Variants in ATRNL1 observed in about 807,000 individuals in gnomAD.
ATRNL1 encodes attractin like 1, also known as attractin-like protein 1.
Under a neutral mutation model 182.7 loss-of-function variants are expected in ATRNL1, and 95 were observed. The observed-to-expected ratio is 0.52, with a 90% CI of 0.44 to 0.62. The LOEUF is 0.62. Among genes scored for constraint, ATRNL1 ranks in the 20% least tolerant of loss-of-function variants. The probability of loss-of-function intolerance (pLI) is 0.00; values close to 1 mark genes in which losing one functional copy is unlikely to be tolerated. For missense variants in ATRNL1, 1,471 were observed against 1,679.5 expected, an observed-to-expected ratio of 0.88 and a Z score of 2.17; for synonymous variants, 576 against 568.3, an observed-to-expected ratio of 1.01 and a Z score of -0.19.
At chr10:115,254,710 C>T (rs1157746595) in intron 10 of ATRNL1, among the ~76,000 whole-genome samples, 1 of 152,154 alleles carries the variant, frequency 6.6e-6, no homozygotes, top group Non-Finnish European at 1.5e-5. Context: ...AGTCCTTGCC[C>T]ATGCCTATGT....
At chr10:115,759,841 ATTTTTTTTTTT>A (rs58578796) in intron 27 of ATRNL1, among the ~76,000 whole-genome samples, 1 of 62,696 alleles carries the variant, frequency 1.6e-5, no homozygotes, top group Non-Finnish European at 2.6e-5. Context: ...ACACCTGGCT[ATTTTTTTTTTT>A]TTTTTTTTTT....
chr10:115,495,357 T>C (rs1166059322), intron 24 of ATRNL1, among the ~76,000 whole-genome samples: 1 of 152,206 alleles, frequency 6.6e-6, no homozygotes, highest in Non-Finnish European at 1.5e-5. Flanking sequence ...TATCTTCTGC[T>C]AGCTTTGGGT....
chr10:115,410,390 T>C (rs1236775603), intron 20 of ATRNL1, among the ~76,000 whole-genome samples: 1 of 151,996 alleles, frequency 6.6e-6, no homozygotes, highest in Non-Finnish European at 1.5e-5. Flanking sequence ...GGCACAATCT[T>C]GGCTCACTGG....
chr10:115,710,359 T>C (rs141549936), intron 26 of ATRNL1, among the ~76,000 whole-genome samples: 5 of 152,218 alleles, frequency 3.3e-5, no homozygotes, highest in Admixed American at 6.6e-5. Context: ...CTGCAATGAG[T>C]ACTGCACTTG....
chr10:115,540,908 G>A (rs899618798), intron 25 of ATRNL1, among the ~76,000 whole-genome samples: 6 of 152,062 alleles, frequency 3.9e-5, no homozygotes, highest in Non-Finnish European at 5.9e-5. Context: ...GTATGGGAAA[G>A]GTGACATTTG....
At chr10:115,397,949 T>C (rs1394288875) in intron 20 of ATRNL1, among the ~76,000 whole-genome samples, 1 of 151,820 alleles carries the variant, frequency 6.6e-6, no homozygotes, top group Non-Finnish European at 1.5e-5. Flanking sequence ...GACATGAACA[T>C]TGGCTTACCT....
At chr10:115,429,122 G>A (rs965157141) in intron 21 of ATRNL1, among the ~76,000 whole-genome samples, 85 of 151,980 alleles carry the variant, frequency 5.6e-4, no homozygotes, top group African/African-American at 2.0e-3. Context: ...ATGTGTTGAT[G>A]CCTTGAAAAT....
chr10:115,635,070 C>A (rs536210367), intron 26 of ATRNL1, among the ~76,000 whole-genome samples: 65 of 152,118 alleles, frequency 4.3e-4, no homozygotes, highest in African/African-American at 1.5e-3. Context: ...ATTTTCATGA[C>A]CTTGGAGTAG....
intron 19 of ATRNL1, among the ~76,000 whole-genome samples, chr10:115,368,389 C>T (rs184009019): frequency 4.7e-4 from 72 of 152,332 alleles, no homozygotes; most frequent in Middle Eastern, 3.4e-3. Context: ...GGCTCGCGCA[C>T]GGTGCACGCA....
chr10:115,499,243 C>T (rs1554979349), intron 24 of ATRNL1, among the ~76,000 whole-genome samples: 2 of 152,014 alleles, frequency 1.3e-5, no homozygotes, highest in Non-Finnish European at 2.9e-5. Context: ...AGAAATTATA[C>T]TCTTCAAGAA....
intron 10 of ATRNL1, among the ~76,000 whole-genome samples, chr10:115,253,464 GT>G (rs142309450): frequency 1.3e-5 from 2 of 151,500 alleles, no homozygotes; most frequent in Admixed American, 6.6e-5. Flanking sequence ...CAGACAACAA[GT>G]TTTTTTTTGA....
intron 27 of ATRNL1, among the ~76,000 whole-genome samples, chr10:115,808,597 A>G (rs1368787091): frequency 6.6e-6 from 1 of 152,140 alleles, no homozygotes; most frequent in Non-Finnish European, 1.5e-5. Flanking sequence ...TTTATGAGAA[A>G]CTGCCAAACT....
intron 26 of ATRNL1, among the ~76,000 whole-genome samples, chr10:115,616,480 A>G (rs1555020814): frequency 6.6e-6 from 1 of 152,160 alleles, no homozygotes; most frequent in Non-Finnish European, 1.5e-5. Flanking sequence ...AAATTTGCAG[A>G]AGTAAAGAGG....
At chr10:115,423,328 G>A (rs1186423856) in intron 20 of ATRNL1, among the ~76,000 whole-genome samples, 3 of 152,118 alleles carry the variant, frequency 2.0e-5, no homozygotes, top group Non-Finnish European at 4.4e-5. Context: ...GAGTCCAGGA[G>A]TTGGAGACCA....
At chr10:115,695,875 A>G (rs1946541352) in intron 26 of ATRNL1, among the ~76,000 whole-genome samples, 1 of 151,672 alleles carries the variant, frequency 6.6e-6, no homozygotes, top group South Asian at 2.1e-4. Flanking sequence ...GCTGCATGGT[A>G]TTCCATGGTG....
intron 24 of ATRNL1, among the ~76,000 whole-genome samples, chr10:115,518,802 C>A (rs1482647440): frequency 6.6e-6 from 1 of 151,738 alleles, no homozygotes; most frequent in Non-Finnish European, 1.5e-5. Flanking sequence ...TTAAAATTAA[C>A]TTCTTATTAA....
intron 21 of ATRNL1, among the ~76,000 whole-genome samples, chr10:115,440,834 T>G (rs1174039748): frequency 6.6e-6 from 1 of 151,930 alleles, no homozygotes; most frequent in African/African-American, 2.4e-5. Context: ...CAAAGGAAAA[T>G]GCAAAACTAC....
chr10:115,811,686 T>C (rs578001614), intron 27 of ATRNL1, among the ~76,000 whole-genome samples: 6 of 152,222 alleles, frequency 3.9e-5, no homozygotes, highest in African/African-American at 1.4e-4. Flanking sequence ...AGCTAGAAGC[T>C]GATAGGTCTT....
chr10:115,474,593 G>A (rs1212624349), intron 24 of ATRNL1, among the ~76,000 whole-genome samples: 1 of 151,122 alleles, frequency 6.6e-6, no homozygotes, highest in Admixed American at 6.6e-5. Context: ...AGATATAGAG[G>A]TTTTTAAAGA....
Sources: allele counts gnomAD v4.1 joint callset (sites outside exome capture counted in the v4.1 genomes callset), GRCh38; gene constraint gnomAD v4.1.1; transcripts MANE v1.5; gene names NCBI Gene and HGNC (gene_info 2026-07-23, HGNC 2026-07-21).